Variants in CPEB3 observed in about 807,000 individuals in gnomAD.
CPEB3 encodes cytoplasmic polyadenylation element binding protein 3.
CPEB3 carries 20 observed loss-of-function variants against 67.2 expected under a neutral mutation model. The observed-to-expected ratio is 0.30, with a 90% CI of 0.21 to 0.43. The LOEUF is 0.43. CPEB3 is among the 20% of genes least tolerant of loss of function. CPEB3 has a pLI of 1.00. For missense variants in CPEB3, 746 were observed against 968.6 expected, an observed-to-expected ratio of 0.77 and a Z score of 3.05; for synonymous variants, 376 against 393.1, an observed-to-expected ratio of 0.96 and a Z score of 0.51.
chr10:92,148,233 T>G (rs888052015), intron 4 of CPEB3, among the ~76,000 whole-genome samples: 6 of 152,180 alleles, frequency 3.9e-5, no homozygotes, highest in African/African-American at 1.4e-4. Flanking sequence ...TACGTCACAG[T>G]TGCTGCCTCT....
rs141743722 is a variant in CPEB3 at position 92,241,334 on chromosome 10, A to T, written c.-11-973T>A. Among the ~76,000 whole-genome samples, 12 of 151,722 alleles carry T rather than the reference A, an allele frequency of 7.9e-5. No individual in the cohort carries two copies. The East Asian group carries it at 2.3e-3, about 29-fold the overall frequency. On this transcript the variant is annotated intron_variant, in intron 1 of 9. Transcript: ENST00000265997. The stretch of plus-strand genomic sequence containing the variant: ...TGAGATAGGGTGGGGGTGGGGCTTT[A>T]AAAAAAACCCTCAGAGATTTAAGTA...
At position 92,240,371 on chromosome 10, in the gene CPEB3, G is replaced by T. The variant is rs1564900605; in HGVS notation, c.-11-10C>A. ...TGCATGGTTTGCGCAGCTGAAACGG[G>T]AAAAAAGAGAGACGCGTTATTGTCA... On this transcript the variant is annotated splice_polypyrimidine_tract_variant and intron_variant, in intron 1 of 9. Transcript: ENST00000265997. 3 of 1,438,352 alleles carry T rather than the reference G, an allele frequency of 2.1e-6. No homozygotes were observed. In the East Asian group the frequency reaches 7.8e-5, roughly 37 times the overall value. The allele number at this position is 1,438,352 out of a possible 1,614,324, so 89.1% of individuals were successfully genotyped here.
At chr10:92,270,693 G>C (rs949293502) in intron 1 of CPEB3, among the ~76,000 whole-genome samples, 2 of 151,030 alleles carry the variant, frequency 1.3e-5, no homozygotes, top group Non-Finnish European at 2.9e-5. Flanking sequence ...CTCCCAAGTA[G>C]CTGGGACTAC....
At chr10:92,181,119 CT>C (rs1352047164) in intron 3 of CPEB3, 100 bp from the exon 4 acceptor site, 1 of 649,464 alleles carries the variant, frequency 1.5e-6, no homozygotes. Context: ...ACAGATTAAT[CT>C]ATAACAATGC....
chr10:92,217,844 CA>C (rs1280046917), intron 2 of CPEB3, among the ~76,000 whole-genome samples: 22 of 152,134 alleles, frequency 1.4e-4, no homozygotes, highest in South Asian at 1.0e-3. Context: ...ATTTCAAAAT[CA>C]AAGAGGTCAG....
chr10:92,225,167 G>A (rs1400545205), intron 2 of CPEB3, among the ~76,000 whole-genome samples: 2 of 151,882 alleles, frequency 1.3e-5, no homozygotes, highest in East Asian at 1.9e-4. Flanking sequence ...TAGAGATGGG[G>A]TTGCACAATG....
chr10:92,099,162 A>C (rs957747317), intron 7 of CPEB3, among the ~76,000 whole-genome samples: 2 of 152,088 alleles, frequency 1.3e-5, no homozygotes, highest in Non-Finnish European at 2.9e-5. Flanking sequence ...AAGGTCATTA[A>C]TAGGGATACG....
At chr10:92,205,307 G>C (rs2134282208) in intron 2 of CPEB3, among the ~76,000 whole-genome samples, 1 of 152,222 alleles carries the variant, frequency 6.6e-6, no homozygotes, top group South Asian at 2.1e-4. Flanking sequence ...TCGTAGAACT[G>C]ATTAAGTCAT....
intron 3 of CPEB3, among the ~76,000 whole-genome samples, chr10:92,186,080 C>T (rs1848674680): frequency 6.6e-6 from 1 of 151,814 alleles, no homozygotes. Context: ...AATTAAATCA[C>T]AATTCCCAGC....
At chr10:92,219,598 C>T (rs1033184114) in intron 2 of CPEB3, among the ~76,000 whole-genome samples, 4 of 152,102 alleles carry the variant, frequency 2.6e-5, no homozygotes, top group African/African-American at 4.8e-5. Flanking sequence ...CTCAGCCTAA[C>T]GCAGAATATC....
intron 3 of CPEB3, among the ~76,000 whole-genome samples, chr10:92,183,826 A>G (rs1848567756): frequency 1.3e-5 from 2 of 152,240 alleles, no homozygotes; most frequent in Non-Finnish European, 2.9e-5. Flanking sequence ...CAAGGAAATC[A>G]TGCAAACCCA....
At chr10:92,066,819 C>A (rs1411977435) in intron 9 of CPEB3, among the ~76,000 whole-genome samples, 1 of 151,992 alleles carries the variant, frequency 6.6e-6, no homozygotes, top group Non-Finnish European at 1.5e-5. Flanking sequence ...CCGAAGCGGG[C>A]GGATCACTTG....
intron 7 of CPEB3, among the ~76,000 whole-genome samples, chr10:92,095,170 C>T (rs1442940168): frequency 1.3e-5 from 2 of 152,112 alleles, no homozygotes; most frequent in Non-Finnish European, 2.9e-5. Context: ...CCCCAACCCC[C>T]GATCTCACTT....
intron 4 of CPEB3, among the ~76,000 whole-genome samples, chr10:92,174,952 T>G (rs1848158499): frequency 1.3e-5 from 2 of 152,150 alleles, no homozygotes; most frequent in South Asian, 4.1e-4. Context: ...AATAATACCC[T>G]ATTTGTACGT....
chr10:92,190,304 C>A (rs1848905094), intron 3 of CPEB3, among the ~76,000 whole-genome samples: 1 of 150,812 alleles, frequency 6.6e-6, no homozygotes, highest in Admixed American at 6.6e-5. Flanking sequence ...AATCCAGTTA[C>A]CCTGTACTTG....
At chr10:92,091,732 T>C in intron 8 of CPEB3, 98 bp downstream of exon 8, 3 of 701,892 alleles carry the variant, frequency 4.3e-6, no homozygotes, top group Non-Finnish European at 7.3e-6. Flanking sequence ...GGAGACTATG[T>C]ATAGCTGACT....
intron 1 of CPEB3, among the ~76,000 whole-genome samples, chr10:92,282,785 AG>A (rs1236759997): frequency 3.9e-5 from 6 of 152,366 alleles, no homozygotes; most frequent in African/African-American, 7.2e-5. Context: ...AGAGAGCAAC[AG>A]GGACATTATC....
chr10:92,258,558 G>C (rs1852624295), intron 1 of CPEB3, among the ~76,000 whole-genome samples: 1 of 142,520 alleles, frequency 7.0e-6, no homozygotes, highest in Non-Finnish European at 1.5e-5. Flanking sequence ...ATATTCCATA[G>C]GAATAGGAGA....
intron 2 of CPEB3, among the ~76,000 whole-genome samples, chr10:92,201,250 G>A (rs879512850): frequency 3.9e-5 from 6 of 152,130 alleles, no homozygotes; most frequent in Admixed American, 6.6e-5. Context: ...AAATTAGGCC[G>A]GGCACGGTGG....
Sources: gnomAD v4.1 joint callset for allele counts (sites outside exome capture counted in the v4.1 genomes callset) on GRCh38, gnomAD v4.1.1 for gene constraint, MANE v1.5 for transcripts, NCBI Gene and HGNC (gene_info 2026-07-23, HGNC 2026-07-21) for gene names.